The following TESK2 variants were observed in gnomAD, a reference collection of about 807,000 sequenced individuals.
TESK2 encodes the protein dual specificity testis-specific protein kinase 2.
A neutral mutation model predicts 57.1 loss-of-function variants in TESK2; 39 were observed. The ratio of observed to expected loss-of-function variants is 0.68; its 90% confidence interval spans 0.53 to 0.89. The LOEUF (loss-of-function observed/expected upper bound fraction) is 0.89. Ranked by LOEUF, TESK2 falls within the 40% of genes least tolerant of loss-of-function variation. TESK2 has a pLI of 0.00. For missense variants in TESK2, 646 were observed against 732.1 expected, an observed-to-expected ratio of 0.88 and a Z score of 1.36; for synonymous variants, 249 against 267.9, an observed-to-expected ratio of 0.93 and a Z score of 0.69.
At chr1:45,449,378 CA>C in intron 2 of TESK2, among the ~76,000 whole-genome samples, 1 of 152,092 alleles carries the variant, frequency 6.6e-6, no homozygotes, top group African/African-American at 2.4e-5. Flanking sequence ...CTTATGTCCA[CA>C]AAAAAACCCC....
chr1:45,347,739 G>A (rs748001550), intron 6 of TESK2, 46 bp from the exon 7 acceptor site: 3 of 1,590,446 alleles, frequency 1.9e-6, no homozygotes, highest in Admixed American at 1.7e-5. Flanking sequence ...AATGGCTGGT[G>A]CAATGGAATC....
intron 3 of TESK2, among the ~76,000 whole-genome samples, chr1:45,417,934 C>G (rs1227148810): frequency 6.6e-6 from 1 of 152,074 alleles, no homozygotes; most frequent in Admixed American, 6.6e-5. Flanking sequence ...TTATACTATA[C>G]CATTTTATTA....
intron 1 of TESK2, among the ~76,000 whole-genome samples, chr1:45,488,795 A>C (rs1399507014): frequency 6.6e-6 from 1 of 152,162 alleles, no homozygotes; most frequent in Non-Finnish European, 1.5e-5. Flanking sequence ...TCATGATCTC[A>C]CTACTACCTT....
At chr1:45,485,403 G>A (rs1653423997) in intron 1 of TESK2, among the ~76,000 whole-genome samples, 2 of 152,050 alleles carry the variant, frequency 1.3e-5, no homozygotes, top group Admixed American at 1.3e-4. Flanking sequence ...TAGTCAGGAT[G>A]GTCTAGATCT....
intron 1 of TESK2, among the ~76,000 whole-genome samples, chr1:45,474,074 C>T (rs1027885564): frequency 7.2e-5 from 11 of 152,114 alleles, no homozygotes; most frequent in East Asian, 5.8e-4. Context: ...TTTGGCCAAG[C>T]GCAGTGGCTC....
chr1:45,435,634 T>C, intron 2 of TESK2, among the ~76,000 whole-genome samples: 1 of 149,586 alleles, frequency 6.7e-6, no homozygotes, highest in Non-Finnish European at 1.5e-5. Context: ...TTTTTTTTTT[T>C]TTTTTTAAGA....
chr1:45,454,309 T>A (rs917373633), intron 2 of TESK2, among the ~76,000 whole-genome samples: 2 of 152,026 alleles, frequency 1.3e-5, no homozygotes, highest in African/African-American at 4.8e-5. Context: ...TTTTGCAAAA[T>A]GAAAAAGTTC....
rs1275504195 is a variant in TESK2 at position 45,345,212 on chromosome 1, G to A, written c.1344C>T (p.Ala448=). The part of the protein sequence containing the change: ...MPLADWQEPL[A]PPIRRWRSLP... ...AGGAACGCCACCGGCGAATAGGTGGGGCCAGGGGCTCCTGCCAGTCAGCCA... is the reference window on the plus strand; with the variant it reads ...AGGAACGCCACCGGCGAATAGGTGGAGCCAGGGGCTCCTGCCAGTCAGCCA... The change falls in exon 11 of 11, where the codon GCC becomes GCT. Residue 448 remains alanine, a synonymous_variant. Transcript: ENST00000372086. 3 of 1,614,084 alleles carry A rather than the reference G, an allele frequency of 1.9e-6. No individual in the cohort carries two copies. Among genetic ancestry groups the A allele is most frequent in the South Asian group, 1.1e-5 (1 of 91,088 alleles).
chr1:45,396,203 C>T lies in TESK2; in HGVS notation c.345-10243G>A, dbSNP rs556897932. ...CTGGCCTCCATGTTCAAGTGATTCT[C>T]CCACCTCAGCCTCCCAAGTAGCTAA... On this transcript the variant is annotated intron_variant, in intron 3 of 10. Transcript: ENST00000372086. Among the ~76,000 whole-genome samples, 8 of 152,234 alleles carry T rather than the reference C, an allele frequency of 5.3e-5. No individual in the cohort carries two copies. In the East Asian group the frequency reaches 1.5e-3, roughly 29 times the overall value.
At chr1:45,421,589 A>C in intron 3 of TESK2, 136 bp downstream of exon 3, 1 of 1,232,790 alleles carries the variant, frequency 8.1e-7, no homozygotes, top group South Asian at 1.5e-5. Context: ...AACGACCTAG[A>C]GTACCACTAA....
At chr1:45,455,454 T>TA (rs1306239542) in intron 2 of TESK2, among the ~76,000 whole-genome samples, 1 of 152,194 alleles carries the variant, frequency 6.6e-6, no homozygotes, top group Non-Finnish European at 1.5e-5. Context: ...CCCCATCTCT[T>TA]ACGGGAGATG....
chr1:45,413,671 A>C (rs1272978671), intron 3 of TESK2, among the ~76,000 whole-genome samples: 1 of 152,100 alleles, frequency 6.6e-6, no homozygotes, highest in Non-Finnish European at 1.5e-5. Flanking sequence ...GAAGTTCAAT[A>C]TAAAAAAGAT....
At chr1:45,458,948 T>C (rs1188242141) in intron 1 of TESK2, among the ~76,000 whole-genome samples, 1 of 152,162 alleles carries the variant, frequency 6.6e-6, no homozygotes, top group South Asian at 2.1e-4. Context: ...AAATACAACA[T>C]TGTGACTCCT....
Position 45,347,982 on chromosome 1 carries a change from C to A in TESK2, c.559G>T (p.Asp187Tyr). 1 of 1,613,212 alleles carries A rather than the reference C, an allele frequency of 6.2e-7. No individual in the cohort carries two copies. Among genetic ancestry groups the A allele is most frequent in the Non-Finnish European group, 8.5e-7 (1 of 1,179,168 alleles). ...ACCACTGCAGAGTAACCATTCTCAT[C>A]CCTCTTTATCAGGCAGTTCTAGGGT... ...LTSKNCLIKR[D>Y]ENGYSAVVAD... Residue 187 changes from aspartate to tyrosine, a missense_variant, in exon 6 of 11, where the codon GAT (aspartate) becomes TAT (tyrosine). By Grantham distance (160) the Asp-to-Tyr change is radical (BLOSUM62 -3). Transcript: ENST00000372086.
At chr1:45,478,359 T>C (rs900261693) in intron 1 of TESK2, among the ~76,000 whole-genome samples, 13 of 152,234 alleles carry the variant, frequency 8.5e-5, no homozygotes, top group African/African-American at 2.9e-4. Flanking sequence ...AGTATTTTAA[T>C]TGTTGCTTAT....
chr1:45,415,466 T>C, intron 3 of TESK2: 1 of 587,380 alleles, frequency 1.7e-6, no homozygotes, highest in Non-Finnish European at 3.0e-6. Flanking sequence ...GCAGTTCCCT[T>C]TGGGTTCCAT....
intron 1 of TESK2, among the ~76,000 whole-genome samples, chr1:45,468,004 C>A (rs1485713235): frequency 6.6e-6 from 1 of 151,742 alleles, no homozygotes; most frequent in African/African-American, 2.4e-5. Context: ...GTGAAATCCC[C>A]GTCTCTACAA....
In TESK2 at chr1:45,344,517, T is replaced by C. The variant is rs374892092; in HGVS notation, c.*323A>G. On this transcript the variant is annotated 3_prime_UTR_variant, in exon 11 of 11. Coordinates refer to ENST00000372086, the MANE Select transcript of TESK2 (RefSeq NM_007170.3). ...TGGGGTGGGGAAAGAACCGGGGTAATAGCTGCCTGCCAGCTCAGCCTAGAA... is the reference window on the plus strand; with the variant it reads ...TGGGGTGGGGAAAGAACCGGGGTAACAGCTGCCTGCCAGCTCAGCCTAGAA... 2.4e-5 allele frequency: 7 copies of C among 287,442 alleles called. No individual in the cohort carries two copies. Among genetic ancestry groups the C allele is most frequent in the East Asian group, 2.2e-4 (3 of 13,426 alleles). 17.8% of individuals were successfully genotyped at this position (287,442 alleles called of 1,614,324 possible).
chr1:45,462,040 T>C (rs1024588910), intron 1 of TESK2, among the ~76,000 whole-genome samples: 1 of 152,182 alleles, frequency 6.6e-6, no homozygotes, highest in African/African-American at 2.4e-5. Context: ...TCTATCTAAC[T>C]ATATTATTGT....
Sources: allele counts gnomAD v4.1 joint callset (sites outside exome capture counted in the v4.1 genomes callset), GRCh38; gene constraint gnomAD v4.1.1; transcripts MANE v1.5; gene names NCBI Gene and HGNC (gene_info 2026-07-23, HGNC 2026-07-21).